EGFR: variants seen among roughly 807,000 people sequenced by gnomAD.
EGFR encodes the protein avian erythroblastic leukemia viral (v-erb-b) oncogene homolog.
A neutral mutation model predicts 143.0 loss-of-function variants in EGFR; 58 were observed. That is an observed-to-expected ratio of 0.41 (90% CI 0.33 to 0.50). The LOEUF is 0.50. Ranked by LOEUF, EGFR falls within the 20% of genes least tolerant of loss-of-function variation. EGFR has a pLI of 0.39. For synonymous variants in EGFR, 613 were observed against 594.4 expected, an observed-to-expected ratio of 1.03 and a Z score of -0.45; for missense variants, 1,307 against 1,579.0, an observed-to-expected ratio of 0.83 and a Z score of 2.92.
Position 55,209,798 on chromosome 7 carries a change from C to T in EGFR, c.*4181C>T, listed in dbSNP as rs1217288678. 6.6e-6 allele frequency: 1 copy of T among 152,080 alleles called. No individual in the cohort carries two copies. Among genetic ancestry groups the T allele is most frequent in the East Asian group, 1.9e-4 (1 of 5,204 alleles). The allele number at this position is 152,080 out of a possible 1,614,324, so 9.4% of individuals were successfully genotyped here. A position where few individuals can be genotyped will look rare whatever the true frequency, so the allele number is the denominator to read the frequency against. ...TCTTTATGTAGCACTGAACTTTGTA[C>T]AATATATTTTTAGAAACTCATTTTT... is the stretch of plus-strand genomic sequence containing the variant. On this transcript the variant is annotated 3_prime_UTR_variant, in exon 28 of 28. Coordinates refer to ENST00000275493, the MANE Select transcript of EGFR (RefSeq NM_005228.5).
chr7:55,069,459 CTG>C (rs1342958262), intron 1 of EGFR, among the ~76,000 whole-genome samples: 6 of 152,234 alleles, frequency 3.9e-5, no homozygotes, highest in African/African-American at 1.2e-4. Flanking sequence ...CCTTGTTCTA[CTG>C]CATCCCAGCT....
intron 13 of EGFR, among the ~76,000 whole-genome samples, chr7:55,162,133 C>T (rs867307985): frequency 4.6e-5 from 7 of 152,204 alleles, no homozygotes; most frequent in African/African-American, 1.7e-4. Flanking sequence ...AGAAATAATT[C>T]ATAATGATGT....
intron 1 of EGFR, among the ~76,000 whole-genome samples, chr7:55,031,510 G>T (rs1787244806): frequency 1.0e-5 from 1 of 98,428 alleles, no homozygotes; most frequent in Non-Finnish European, 2.0e-5. Flanking sequence ...TGACGTGCCT[G>T]GTGTCAGGGA....
At chr7:55,084,562 G>T (rs984505978) in intron 1 of EGFR, among the ~76,000 whole-genome samples, 25 of 152,302 alleles carry the variant, frequency 1.6e-4, no homozygotes, top group Non-Finnish European at 2.8e-4. Flanking sequence ...ATGCATTTGG[G>T]TCAAGTTGCA....
intron 1 of EGFR, among the ~76,000 whole-genome samples, chr7:55,031,805 A>C (rs1431788674): frequency 6.6e-6 from 1 of 152,202 alleles, no homozygotes; most frequent in Non-Finnish European, 1.5e-5. Flanking sequence ...CCAATATTAT[A>C]TTCTTCGGGG....
intron 1 of EGFR, among the ~76,000 whole-genome samples, chr7:55,021,624 C>G (rs1786570908): frequency 6.6e-6 from 1 of 152,104 alleles, no homozygotes; most frequent in Non-Finnish European, 1.5e-5. Flanking sequence ...AGGAGATGAG[C>G]TCTTTTAACA....
intron 1 of EGFR, among the ~76,000 whole-genome samples, chr7:55,136,348 C>G (rs1410736017): frequency 6.6e-6 from 1 of 152,074 alleles, no homozygotes; most frequent in Non-Finnish European, 1.5e-5. Flanking sequence ...AATGACCAAC[C>G]AGAAAGTGGC....
intron 20 of EGFR, among the ~76,000 whole-genome samples, chr7:55,186,179 G>A (rs767556220): frequency 1.3e-5 from 2 of 152,248 alleles, no homozygotes; most frequent in Non-Finnish European, 2.9e-5. Context: ...ACACAAGCAG[G>A]ACTGTGAGAG....
chr7:55,036,214 T>C (rs893051150), intron 1 of EGFR, among the ~76,000 whole-genome samples: 11 of 143,850 alleles, frequency 7.6e-5, no homozygotes, highest in Admixed American at 2.9e-4. Flanking sequence ...TGGATTAACT[T>C]ACATGAGCTA....
At chr7:55,126,603 A>T (rs1793536227) in intron 1 of EGFR, among the ~76,000 whole-genome samples, 2 of 152,096 alleles carry the variant, frequency 1.3e-5, no homozygotes, top group South Asian at 4.1e-4. Context: ...ATCCCCACAT[A>T]CCAGTGAGGG....
intron 1 of EGFR, chr7:55,119,303 G>C (rs1793058459): frequency 6.6e-6 from 1 of 152,180 alleles, no homozygotes; most frequent in Non-Finnish European, 1.5e-5. Flanking sequence ...CCTTGGAACT[G>C]GATGTCAGAC....
intron 1 of EGFR, among the ~76,000 whole-genome samples, chr7:55,113,286 G>T (rs2041645): frequency 0.069 from 10,472 of 152,270 alleles, 476 homozygotes; most frequent in Middle Eastern, 0.17. Context: ...TGTTGACTGT[G>T]TGAGACTATG....
chr7:55,159,816 T>G (rs1271802726), intron 11 of EGFR, among the ~76,000 whole-genome samples: 1 of 152,246 alleles, frequency 6.6e-6, no homozygotes, highest in Non-Finnish European at 1.5e-5. Context: ...TGTATTTGGC[T>G]GTTTGAGAGG....
At chr7:55,028,082 G>T (rs1787037682) in intron 1 of EGFR, among the ~76,000 whole-genome samples, 1 of 145,942 alleles carries the variant, frequency 6.9e-6, no homozygotes. Flanking sequence ...GTTGTTTTAA[G>T]AGCATTCATG....
At chr7:55,082,868 A>T (rs1210392647) in intron 1 of EGFR, among the ~76,000 whole-genome samples, 1 of 152,224 alleles carries the variant, frequency 6.6e-6, no homozygotes, top group Non-Finnish European at 1.5e-5. Context: ...CCTGCTGAGG[A>T]TGATGCCCCT....
rs374928289 is a variant in EGFR, at chr7:55,043,632, G to A, written c.88+24267G>A. 4.2e-4 allele frequency among the ~76,000 whole-genome samples: 64 copies of A among 152,188 alleles called. 2 individuals are homozygous for A. In the South Asian group the frequency reaches 7.5e-3, roughly 18 times the overall value. Reference sequence around the variant, plus strand: ...CCCCTTCTTGGCCTCCCAATATGCCGGGATTACAGGTGTGAGCCACCGTGC... The same window carrying A: ...CCCCTTCTTGGCCTCCCAATATGCCAGGATTACAGGTGTGAGCCACCGTGC... On this transcript the variant is annotated intron_variant, in intron 1 of 27. Transcript: ENST00000275493.
chr7:55,036,098 G>A (rs918777302), intron 1 of EGFR, among the ~76,000 whole-genome samples: 6 of 151,946 alleles, frequency 3.9e-5, no homozygotes, highest in Non-Finnish European at 7.4e-5. Flanking sequence ...AGGCCATGGA[G>A]GCATGAGGAG....
At chr7:55,157,083 G>T in intron 10 of EGFR, 1 of 872,044 alleles carries the variant, frequency 1.1e-6, no homozygotes, top group Non-Finnish European at 1.7e-6. Context: ...CCAGCCAGCT[G>T]CCTTGGTGGC....
At chr7:55,103,262 T>C (rs1791927340) in intron 1 of EGFR, among the ~76,000 whole-genome samples, 1 of 152,196 alleles carries the variant, frequency 6.6e-6, no homozygotes, top group Non-Finnish European at 1.5e-5. Flanking sequence ...CCCTTCAGTG[T>C]GTGTCCTCTC....
Sources: gnomAD v4.1 joint callset for allele counts (sites outside exome capture counted in the v4.1 genomes callset) on GRCh38, gnomAD v4.1.1 for gene constraint, MANE v1.5 for transcripts, NCBI Gene and HGNC (gene_info 2026-07-23, HGNC 2026-07-21) for gene names.